The following EXOC4 variants were observed in gnomAD, a reference collection of about 807,000 sequenced individuals.
EXOC4 encodes the protein exocyst complex component 4.
In EXOC4, 71 loss-of-function variants were observed where a neutral mutation model predicts 107.2. The observed-to-expected ratio is 0.66, with a 90% CI of 0.55 to 0.81. The LOEUF is 0.81. EXOC4 is among the 30% of genes least tolerant of loss of function. EXOC4 has a pLI of 0.00. For missense variants in EXOC4, 1,108 were observed against 1,189.6 expected, an observed-to-expected ratio of 0.93 and a Z score of 1.01; for synonymous variants, 456 against 441.2, an observed-to-expected ratio of 1.03 and a Z score of -0.42.
intron 7 of EXOC4, among the ~76,000 whole-genome samples, chr7:133,375,839 T>C (rs1584865543): frequency 6.6e-6 from 1 of 152,280 alleles, no homozygotes; most frequent in South Asian, 2.1e-4. Flanking sequence ...TGAAATGATA[T>C]TTAGAAATTG....
intron 10 of EXOC4, among the ~76,000 whole-genome samples, chr7:133,701,808 A>G (rs1442235653): frequency 1.3e-5 from 2 of 152,108 alleles, no homozygotes; most frequent in Non-Finnish European, 2.9e-5. Context: ...TACACCATAT[A>G]CACATACCCT....
chr7:133,322,787 C>T (rs777217660), intron 5 of EXOC4, among the ~76,000 whole-genome samples: 10 of 152,132 alleles, frequency 6.6e-5, no homozygotes, highest in East Asian at 3.9e-4. Flanking sequence ...GGGATAGTAT[C>T]GAATCTGTAA....
intron 14 of EXOC4, among the ~76,000 whole-genome samples, chr7:133,990,864 A>G (rs1260648857): frequency 3.3e-5 from 5 of 152,110 alleles, no homozygotes; most frequent in Non-Finnish European, 7.4e-5. Flanking sequence ...TATTTTGGCT[A>G]TGGTGAATAG....
intron 6 of EXOC4, among the ~76,000 whole-genome samples, chr7:133,372,301 G>T (rs1379379740): frequency 6.6e-6 from 1 of 152,096 alleles, no homozygotes; most frequent in Non-Finnish European, 1.5e-5. Context: ...TCGTTAAAAT[G>T]GCTGGAGGTC....
intron 10 of EXOC4, among the ~76,000 whole-genome samples, chr7:133,781,450 C>T (rs1404997900): frequency 2.6e-5 from 4 of 152,218 alleles, no homozygotes; most frequent in African/African-American, 4.8e-5. Flanking sequence ...AATCTGGCTC[C>T]GCCACTTACT....
chr7:133,895,260 T>TCC (rs1463497971), intron 11 of EXOC4: 1 of 180,410 alleles, frequency 5.5e-6, no homozygotes, highest in Non-Finnish European at 1.2e-5. Flanking sequence ...GCTTCCCAGG[T>TCC]GAGGCAATGC....
At chr7:133,824,475 T>G (rs553332739) in intron 11 of EXOC4, among the ~76,000 whole-genome samples, 7 of 152,190 alleles carry the variant, frequency 4.6e-5, no homozygotes, top group Admixed American at 4.6e-4. Context: ...AGAGATGATA[T>G]TGTTTCACCT....
At chr7:133,915,997 G>A (rs1263474798) in intron 12 of EXOC4, among the ~76,000 whole-genome samples, 1 of 152,116 alleles carries the variant, frequency 6.6e-6, no homozygotes, top group Non-Finnish European at 1.5e-5. Flanking sequence ...ATTTATTCTA[G>A]TTTATTTTAA....
intron 5 of EXOC4, among the ~76,000 whole-genome samples, chr7:133,317,670 T>C (rs1339837475): frequency 2.6e-5 from 4 of 152,048 alleles, no homozygotes; most frequent in Non-Finnish European, 5.9e-5. Flanking sequence ...CCAGCACTGT[T>C]TTTCTTTCTT....
intron 1 of EXOC4, among the ~76,000 whole-genome samples, chr7:133,261,019 T>G (rs1795139399): frequency 6.6e-6 from 1 of 152,188 alleles, no homozygotes. Flanking sequence ...CTAATATTAT[T>G]TTTATCTTAG....
At chr7:133,616,801 G>A (rs924521976) in intron 9 of EXOC4, among the ~76,000 whole-genome samples, 2 of 152,074 alleles carry the variant, frequency 1.3e-5, no homozygotes, top group Non-Finnish European at 2.9e-5. Flanking sequence ...CGATATCAAC[G>A]ATTATAATTG....
intron 10 of EXOC4, among the ~76,000 whole-genome samples, chr7:133,666,608 C>A (rs897184512): frequency 1.3e-5 from 2 of 152,150 alleles, no homozygotes; most frequent in Non-Finnish European, 2.9e-5. Flanking sequence ...TTACTGTCAG[C>A]TTTTTGGTAG....
intron 9 of EXOC4, among the ~76,000 whole-genome samples, chr7:133,592,183 C>T (rs1221377000): frequency 6.6e-6 from 1 of 151,912 alleles, no homozygotes; most frequent in Non-Finnish European, 1.5e-5. Flanking sequence ...TGGTTCGGCC[C>T]CATGGGAAGT....
intron 7 of EXOC4, among the ~76,000 whole-genome samples, chr7:133,431,834 G>A (rs1364502): frequency 1 from 151,865 of 152,320 alleles, 75,707 homozygotes; most frequent in Middle Eastern, 1. Context: ...TGTGGAGAGC[G>A]TATATTTCAC....
At chr7:133,445,694 T>C (rs540548597) in intron 7 of EXOC4, among the ~76,000 whole-genome samples, 1 of 152,128 alleles carries the variant, frequency 6.6e-6, no homozygotes, top group East Asian at 1.9e-4. Context: ...TAGCTGTGAG[T>C]CTCTGCCCTA....
rs1562988841 is a variant in EXOC4 at position 133,253,133 on chromosome 7, G to A, written c.32G>A (p.Arg11Lys). The part of the protein sequence containing the change: MAAEAAGGKY[R>K]STVSKSKDPS... ...GCAGAAGCAGCTGGTGGGAAATACA[G>A]AAGCACAGTCAGCAAAAGCAAAGAC... is the stretch of plus-strand genomic sequence containing the variant. Residue 11 changes from arginine to lysine, a missense_variant, in exon 1 of 18, where the codon AGA (arginine) becomes AAA (lysine). Physicochemically the swap from Arg to Lys is conservative, Grantham distance 26. Coordinates refer to ENST00000253861, the MANE Select transcript of EXOC4 (RefSeq NM_021807.4). The A allele has an allele frequency of 6.2e-7, 1 of 1,614,084 alleles. No homozygotes were observed. The highest frequency in any genetic ancestry group is 1.3e-5 in the African/African-American group (1 of 74,944).
chr7:133,317,364 A>G lies in EXOC4; in HGVS notation c.737A>G (p.His246Arg), dbSNP rs1243398512. Residue 246 changes from histidine (H) to arginine (R), a missense_variant, in exon 5 of 18, where the codon CAC (histidine) becomes CGC (arginine). Physicochemically the swap from His to Arg is conservative, Grantham distance 29 (BLOSUM62 0). Transcript: ENST00000253861. ...CCTCGAAAATTCCTTGATACCTCTC[A>G]CTATTCTACTGCTGGAAGCTCAAGT... is the stretch of plus-strand genomic sequence containing the variant. ...PTPRKFLDTS[H>R]YSTAGSSSVR... 1 of 1,609,186 alleles carries G rather than the reference A, an allele frequency of 6.2e-7. No homozygotes were observed. The highest frequency in any genetic ancestry group is 1.7e-5 in the Admixed American group (1 of 60,004).
At chr7:133,507,482 G>A (rs1006797587) in intron 9 of EXOC4, among the ~76,000 whole-genome samples, 9 of 152,150 alleles carry the variant, frequency 5.9e-5, no homozygotes, top group African/African-American at 2.2e-4. Context: ...TTTACTCAAG[G>A]TTGTACCGTT....
At chr7:133,870,799 G>A (rs752974031) in intron 11 of EXOC4, among the ~76,000 whole-genome samples, 6 of 152,102 alleles carry the variant, frequency 3.9e-5, no homozygotes, top group East Asian at 3.9e-4. Context: ...GACCTCTTTC[G>A]CCATTCTTCA....
Sources: allele counts gnomAD v4.1 joint callset (sites outside exome capture counted in the v4.1 genomes callset), GRCh38; gene constraint gnomAD v4.1.1; transcripts MANE v1.5; gene names NCBI Gene and HGNC (gene_info 2026-07-23, HGNC 2026-07-21).